Variants in ACBD5 observed in about 807,000 individuals in gnomAD.
The protein encoded by ACBD5 is acyl-CoA binding domain containing 5.
In ACBD5, 40 loss-of-function variants were observed where a neutral mutation model predicts 71.8. The ratio of observed to expected loss-of-function variants is 0.56; its 90% CI spans 0.43 to 0.72. ACBD5 has a LOEUF of 0.72. Ranked by LOEUF, ACBD5 falls within the 30% of genes least tolerant of loss-of-function variation. The probability of loss-of-function intolerance (pLI) is 0.00; values close to 1 mark genes in which losing one functional copy is unlikely to be tolerated. For missense variants in ACBD5, 559 were observed against 644.5 expected, an observed-to-expected ratio of 0.87 and a Z score of 1.44; for synonymous variants, 229 against 218.6, an observed-to-expected ratio of 1.05 and a Z score of -0.42.
chr10:27,241,257 A>T (rs2065464910), upstream of ACBD5, among the ~76,000 whole-genome samples: 1 of 151,660 alleles, frequency 6.6e-6, no homozygotes, highest in Non-Finnish European at 1.5e-5. Flanking sequence ...TCTGTGAGAA[A>T]CTCCAGTTCT....
intron 13 of ACBD5, among the ~76,000 whole-genome samples, chr10:27,184,023 C>A (rs1026680448): frequency 1.3e-5 from 2 of 152,056 alleles, no homozygotes; most frequent in Admixed American, 1.3e-4. Flanking sequence ...AGTTTGTTTA[C>A]TCACTGATTT....
At chr10:27,189,262 C>T (rs1265906339) in intron 13 of ACBD5, among the ~76,000 whole-genome samples, 1 of 152,190 alleles carries the variant, frequency 6.6e-6, no homozygotes, top group South Asian at 2.1e-4. Flanking sequence ...CTCCGGACTT[C>T]GTGATCCACC....
intron 4 of ACBD5, among the ~76,000 whole-genome samples, chr10:27,228,004 C>T (rs1267745934): frequency 2.6e-5 from 4 of 151,900 alleles, no homozygotes; most frequent in Non-Finnish European, 4.4e-5. Context: ...TGAGCCACCG[C>T]GCCCGGCCGA....
intron 2 of ACBD5, among the ~76,000 whole-genome samples, chr10:27,238,926 G>A (rs1360006824): frequency 3.3e-5 from 5 of 152,174 alleles, no homozygotes; most frequent in Admixed American, 3.3e-4. Context: ...GGCCGGGCGC[G>A]GTGGCTCATG....
Position 27,240,334 on chromosome 10 carries a change from T to C in ACBD5, c.166A>G (p.Ser56Gly). The C allele has an allele frequency of 1.2e-6, 2 of 1,613,746 alleles. No individual in the cohort carries two copies. The highest frequency in any genetic ancestry group is 1.7e-6 in the Non-Finnish European group (2 of 1,179,976). Residue 56 changes from serine (S) to glycine (G), a missense_variant, in exon 2 of 13, where the codon AGT becomes GGT. Physicochemically the swap from Ser to Gly is moderately conservative, Grantham distance 56. Transcript: ENST00000396271. The surrounding 1 kb of genome is among the most constrained non-coding windows in gnomAD (Gnocchi z 4.1). The part of the protein sequence containing the change: ...RFEAAVKVIQ[S>G]LPKNGSFQPT... ...GCGCACGTACCATTCTTCGGCAAAC[T>C]CTGGATCACCTTCACGGCCGCCTCA...
In ACBD5 at chr10:27,197,105, C is replaced by T. The variant is rs1453303898; in HGVS notation, c.*325G>A. The T allele has an allele frequency of 1.3e-5, 6 of 479,518 alleles. No individual in the cohort carries two copies. The highest frequency in any genetic ancestry group is 2.4e-5 in the Non-Finnish European group (6 of 254,460). The allele number at this position is 479,518 out of a possible 1,614,324, so 29.7% of individuals were successfully genotyped here. A position where few individuals can be genotyped will look rare whatever the true frequency, so the allele number is the denominator to read the frequency against. On this transcript the variant is annotated 3_prime_UTR_variant, in exon 13 of 13. Transcript: ENST00000396271. Reference sequence around the variant, plus strand: ...CCTTTGAAAAGCAGCTTATGTTACTCTATGGAAGATAATCAGGTAAACATG... The same window carrying T: ...CCTTTGAAAAGCAGCTTATGTTACTTTATGGAAGATAATCAGGTAAACATG...
chr10:27,226,365 C>T (rs1011339007), intron 4 of ACBD5, among the ~76,000 whole-genome samples: 5 of 151,422 alleles, frequency 3.3e-5, no homozygotes, highest in African/African-American at 1.2e-4. Flanking sequence ...CAAGAATGAT[C>T]CCCAGCCATT....
chr10:27,194,350 C>T (rs1450921353), downstream of ACBD5, among the ~76,000 whole-genome samples: 1 of 151,670 alleles, frequency 6.6e-6, no homozygotes, highest in Admixed American at 6.6e-5. Flanking sequence ...GTGACTCACG[C>T]CTGTAATCCC....
intron 12 of ACBD5, among the ~76,000 whole-genome samples, chr10:27,198,646 G>A (rs1284860408): frequency 2.0e-5 from 3 of 152,210 alleles, no homozygotes; most frequent in East Asian, 1.9e-4. Flanking sequence ...GCCCCTGGAG[G>A]AAGAGAATTG....
chr10:27,235,758 C>T (rs1482395075), intron 2 of ACBD5, among the ~76,000 whole-genome samples: 2 of 152,176 alleles, frequency 1.3e-5, no homozygotes, highest in Non-Finnish European at 2.9e-5. Flanking sequence ...TTGGAGACAT[C>T]AATTTGAGGA....
At position 27,208,376 on chromosome 10, in the gene ACBD5, C is replaced by T. The variant is rs758175108; in HGVS notation, c.1274G>A (p.Arg425His). Residue 425 changes from arginine (R) to histidine (H), a missense_variant, in exon 10 of 13, where the codon CGC becomes CAC. Physicochemically the swap from Arg to His is conservative, Grantham distance 29 (BLOSUM62 0). Transcript: ENST00000396271. ...RQVGSGGDGE[R>H]WGSDRGSRGS... The stretch of plus-strand genomic sequence containing the variant: ...TCGGGACCCTCTGTCGGAGCCCCAG[C>T]GCTCCCCATCACCTCCACTTCCCAC... 12 of 1,614,012 alleles carry T rather than the reference C, an allele frequency of 7.4e-6. No individual in the cohort carries two copies. Among genetic ancestry groups the T allele is most frequent in the South Asian group, 3.3e-5 (3 of 91,082 alleles).
At chr10:27,220,967 C>A (rs1244570725) in intron 5 of ACBD5, among the ~76,000 whole-genome samples, 1 of 152,150 alleles carries the variant, frequency 6.6e-6, no homozygotes, top group African/African-American at 2.4e-5. Flanking sequence ...TTTCTAACTC[C>A]ATTTCTAATA....
chr10:27,222,997 T>C (rs989348884), intron 5 of ACBD5, among the ~76,000 whole-genome samples: 2 of 152,204 alleles, frequency 1.3e-5, no homozygotes, highest in Non-Finnish European at 2.9e-5. Context: ...TAATTTCGAA[T>C]ATACTAAGTA....
intron 9 of ACBD5, 150 bp from the exon 10 acceptor site, chr10:27,208,595 T>C (rs1456674478): frequency 4.2e-6 from 4 of 959,970 alleles, no homozygotes; most frequent in Non-Finnish European, 4.8e-6. Context: ...CCCAGCACTT[T>C]GGGAGGCTGA....
At chr10:27,189,177 G>C (rs1002014314) in intron 13 of ACBD5, among the ~76,000 whole-genome samples, 1 of 152,192 alleles carries the variant, frequency 6.6e-6, no homozygotes, top group Non-Finnish European at 1.5e-5. Context: ...GTCCTTGGAA[G>C]CCTAAAACCA....
chr10:27,186,230 C>G, intron 13 of ACBD5: 1 of 821,012 alleles, frequency 1.2e-6, no homozygotes, highest in Admixed American at 2.0e-5. Flanking sequence ...AGTATGTGGC[C>G]TAACAGACAT....
intron 4 of ACBD5, among the ~76,000 whole-genome samples, chr10:27,226,997 AT>A (rs1373848228): frequency 4.5e-5 from 2 of 44,080 alleles, no homozygotes; most frequent in African/African-American, 8.9e-5. Context: ...AAACATTCTG[AT>A]TTTTTTTGCG....
chr10:27,203,087 G>A (rs1046750535), intron 12 of ACBD5, among the ~76,000 whole-genome samples: 8 of 136,460 alleles, frequency 5.9e-5, no homozygotes, highest in African/African-American at 1.4e-4. Context: ...TGATCCTCCC[G>A]CCTCAGCCTC....
At chr10:27,222,839 T>C (rs538968627) in intron 5 of ACBD5, among the ~76,000 whole-genome samples, 2 of 152,358 alleles carry the variant, frequency 1.3e-5, no homozygotes, top group East Asian at 3.9e-4. Flanking sequence ...CCCAAAGTGC[T>C]GGGATTACAG....
Sources: allele counts gnomAD v4.1 joint callset (sites outside exome capture counted in the v4.1 genomes callset), GRCh38; gene constraint gnomAD v4.1.1; non-coding constraint Gnocchi (gnomAD v3.1); transcripts MANE v1.5; gene names NCBI Gene and HGNC (gene_info 2026-07-23, HGNC 2026-07-21).